The following MYO9A variants were observed in gnomAD, a reference collection of about 807,000 sequenced individuals.
MYO9A encodes myosin IXA.
Under a neutral mutation model 293.3 loss-of-function variants are expected in MYO9A, and 103 were observed. The ratio of observed to expected loss-of-function variants is 0.35; its 90% CI spans 0.30 to 0.41. MYO9A has a LOEUF of 0.41. MYO9A is among the 10% of genes least tolerant of loss of function. The pLI is 1.00. For missense variants in MYO9A, 2,685 were observed against 3,033.0 expected, an observed-to-expected ratio of 0.89 and a Z score of 2.69; for synonymous variants, 1,001 against 1,035.7, an observed-to-expected ratio of 0.97 and a Z score of 0.64.
chr15:71,847,015 AAGTAAT>A (rs2055417155), intron 39 of MYO9A, among the ~76,000 whole-genome samples: 1 of 152,220 alleles, frequency 6.6e-6, no homozygotes, highest in Non-Finnish European at 1.5e-5. Context: ...GAGATGCTGA[AAGTAAT>A]AGTAAGTATT....
intron 23 of MYO9A, 96 bp downstream of exon 23, chr15:71,901,092 CATT>C: frequency 7.7e-7 from 1 of 1,306,470 alleles, no homozygotes; most frequent in East Asian, 2.6e-5. Flanking sequence ...CTGAAGTTCA[CATT>C]ATTACTGAAA....
rs540243362 is a variant in MYO9A at position 72,003,560 on chromosome 15, C to T, written c.1381-3620G>A. On this transcript the variant is annotated intron_variant, in intron 8 of 41. Transcript: ENST00000356056. ...AAATACATAAAAAAAAAAAATTAGCCGGACATGGTGGCAGGCGCCTGTAGT... is the reference window on the plus strand; with the variant it reads ...AAATACATAAAAAAAAAAAATTAGCTGGACATGGTGGCAGGCGCCTGTAGT... Among the ~76,000 whole-genome samples the T allele has an allele frequency of 4.6e-5, 7 of 151,868 alleles. No homozygotes were observed. The East Asian group carries it at 9.7e-4, about 21-fold the overall frequency.
chr15:71,878,621 C>T (rs2056768481), intron 30 of MYO9A, among the ~76,000 whole-genome samples: 1 of 151,900 alleles, frequency 6.6e-6, no homozygotes, highest in Non-Finnish European at 1.5e-5. Flanking sequence ...TGAATCATTG[C>T]CTAAGCATAT....
chr15:72,077,733 G>GA (rs60518266), intron 1 of MYO9A, among the ~76,000 whole-genome samples: 14 of 87,406 alleles, frequency 1.6e-4, no homozygotes, highest in African/African-American at 4.9e-4. Context: ...CTGTCTCAAA[G>GA]AAAAAAAAAA....
At chr15:71,902,074 C>G (rs2057501599) in intron 22 of MYO9A, among the ~76,000 whole-genome samples, 1 of 151,958 alleles carries the variant, frequency 6.6e-6, no homozygotes, top group Admixed American at 6.6e-5. Flanking sequence ...CATTTGAGAG[C>G]AGGTAGATAT....
In MYO9A at chr15:71,854,685, A is replaced by G. The variant is rs531013897; in HGVS notation, c.6154-116T>C. On this transcript the variant is annotated intron_variant, in intron 34 of 41. Transcript: ENST00000356056. ...TCTCTGAAGTTTTATGAGCATAGTT[A>G]GAAGAGTTGGGAGAAAGGGAATTAT... 1.3e-4 allele frequency: 94 copies of G among 745,698 alleles called. No homozygotes were observed. In the East Asian group the frequency reaches 2.6e-3, roughly 21 times the overall value. The allele number at this position is 745,698 out of a possible 1,614,324, so 46.2% of individuals were successfully genotyped here. A position where few individuals can be genotyped will look rare whatever the true frequency, so the allele number is the denominator to read the frequency against.
chr15:72,023,938 C>G (rs1294516858), intron 4 of MYO9A, among the ~76,000 whole-genome samples: 1 of 151,946 alleles, frequency 6.6e-6, no homozygotes, highest in African/African-American at 2.4e-5. Flanking sequence ...TTTGAAAGCA[C>G]CAAGAGAGAA....
intron 2 of MYO9A, among the ~76,000 whole-genome samples, chr15:72,040,966 T>C (rs2149586451): frequency 6.6e-6 from 1 of 152,302 alleles, no homozygotes; most frequent in African/African-American, 2.4e-5. Flanking sequence ...TCAGAGATCA[T>C]ACTAAAAACT....
intron 1 of MYO9A, among the ~76,000 whole-genome samples, chr15:72,116,542 A>G (rs2080985621): frequency 6.6e-6 from 1 of 152,072 alleles, no homozygotes; most frequent in African/African-American, 2.4e-5. Flanking sequence ...AGGCAACAGA[A>G]GTTTATTATT....
At position 71,824,775 on chromosome 15, in the gene MYO9A, G is replaced by A. The variant is rs2054402237; in HGVS notation, c.*1805C>T. On this transcript the variant is annotated 3_prime_UTR_variant, in exon 42 of 42. Coordinates refer to ENST00000356056, the MANE Select transcript of MYO9A (RefSeq NM_006901.4). The stretch of plus-strand genomic sequence containing the variant: ...GAGATTTTAATGGCTTCCTTTCTCT[G>A]GCTCAATTCTGAACCCAAAGTAGGG... 6.6e-6 allele frequency: 1 copy of A among 152,116 alleles called. No individual in the cohort carries two copies. Among genetic ancestry groups the A allele is most frequent in the Non-Finnish European group, 1.5e-5 (1 of 68,030 alleles). 9.4% of individuals were successfully genotyped at this position (152,116 alleles called of 1,614,324 possible).
intron 11 of MYO9A, among the ~76,000 whole-genome samples, chr15:71,985,468 C>T (rs1294593491): frequency 9.2e-5 from 14 of 152,200 alleles, no homozygotes. Context: ...AACTGGGCTT[C>T]AGTCCTTCTG....
intron 3 of MYO9A, among the ~76,000 whole-genome samples, chr15:72,030,045 T>C (rs1263030051): frequency 1.3e-5 from 2 of 152,228 alleles, no homozygotes; most frequent in Non-Finnish European, 1.5e-5. Context: ...TCCCAGTCTC[T>C]GTCCAGTAAA....
intron 41 of MYO9A, 23 bp downstream of exon 41, chr15:71,827,861 T>C: frequency 6.3e-7 from 1 of 1,593,622 alleles, no homozygotes; most frequent in Non-Finnish European, 8.5e-7. Flanking sequence ...ATCTGGAGTC[T>C]TTGGTCTACC....
chr15:72,077,749 AAAAAT>A (rs1326986421), intron 1 of MYO9A, among the ~76,000 whole-genome samples: 170 of 33,284 alleles, frequency 5.1e-3, no homozygotes, highest in East Asian at 0.018. Context: ...AAAAAAAAAA[AAAAAT>A]ATATATATAT....
intron 39 of MYO9A, among the ~76,000 whole-genome samples, chr15:71,840,990 G>C (rs1296663078): frequency 6.6e-6 from 1 of 152,166 alleles, no homozygotes; most frequent in Non-Finnish European, 1.5e-5. Flanking sequence ...TTTGGTATTT[G>C]ATGTTGATGT....
At chr15:72,079,208 A>C (rs1207643328) in intron 1 of MYO9A, among the ~76,000 whole-genome samples, 1 of 148,950 alleles carries the variant, frequency 6.7e-6, no homozygotes, top group Admixed American at 6.6e-5. Context: ...CTGTGGGGGC[A>C]GGAGGAGGAG....
At chr15:71,951,446 T>C (rs998560712) in intron 15 of MYO9A, among the ~76,000 whole-genome samples, 1 of 152,150 alleles carries the variant, frequency 6.6e-6, no homozygotes, top group African/African-American at 2.4e-5. Context: ...TGTTGTTTTT[T>C]TTTTTATGAG....
intron 14 of MYO9A, among the ~76,000 whole-genome samples, chr15:71,952,219 A>C (rs1453752312): frequency 6.6e-6 from 1 of 152,168 alleles, no homozygotes; most frequent in Non-Finnish European, 1.5e-5. Context: ...TTTTAAAAGG[A>C]CTTATTTTTA....
intron 12 of MYO9A, among the ~76,000 whole-genome samples, chr15:71,972,044 G>GA (rs1163710747): frequency 6.6e-6 from 1 of 152,104 alleles, no homozygotes; most frequent in Non-Finnish European, 1.5e-5. Context: ...TATTCTGAAA[G>GA]AAAAAATGCT....
Sources: allele counts gnomAD v4.1 joint callset (sites outside exome capture counted in the v4.1 genomes callset), GRCh38; gene constraint gnomAD v4.1.1; transcripts MANE v1.5; gene names NCBI Gene and HGNC (gene_info 2026-07-23, HGNC 2026-07-21).